LINGO2: variants seen among roughly 807,000 people sequenced by gnomAD.
LINGO2 encodes leucine rich repeat and Ig domain containing 2, also known as leucine-rich repeat and immunoglobulin-like domain-containing nogo receptor-interacting protein 2.
A neutral mutation model predicts 30.6 loss-of-function variants in LINGO2; 14 were observed. The ratio of observed to expected loss-of-function variants is 0.46; its 90% CI spans 0.30 to 0.72. The LOEUF (loss-of-function observed/expected upper bound fraction) is 0.72, where lower values mean the gene tolerates loss of function less well. LINGO2 is among the 30% of genes least tolerant of loss of function. LINGO2 has a pLI of 0.07. For missense variants in LINGO2, 729 were observed against 751.7 expected (o/e 0.97, Z 0.35); for synonymous variants, 317 against 288.5 (o/e 1.10, Z -1.00).
chr9:29,158,357 A>T, the LINGO2 span, among the ~76,000 whole-genome samples: 6,476 of 152,068 alleles, frequency 0.043, 205 homozygotes, highest in Admixed American at 0.08. Flanking sequence ...CCCTGTCTCA[A>T]AAAAATAAAA....
the LINGO2 span, among the ~76,000 whole-genome samples, chr9:28,856,224 C>G: frequency 1.3e-5 from 2 of 152,016 alleles, no homozygotes; most frequent in Non-Finnish European, 1.5e-5. Context: ...AGATTTTGTG[C>G]TTTGCTTCCA....
At chr9:29,132,462 G>A in the LINGO2 span, among the ~76,000 whole-genome samples, 29 of 152,068 alleles carry the variant, frequency 1.9e-4, no homozygotes, top group South Asian at 4.2e-4. Context: ...CTGATTTGTC[G>A]CCTTCCACAA....
chr9:28,796,513 C>T, the LINGO2 span, among the ~76,000 whole-genome samples: 83,281 of 151,588 alleles, frequency 0.55, 23,008 homozygotes, highest in Middle Eastern at 0.67. Flanking sequence ...AATTTTATGA[C>T]GAAAATTAGC....
At chr9:28,957,012 T>C in the LINGO2 span, among the ~76,000 whole-genome samples, 1 of 152,006 alleles carries the variant, frequency 6.6e-6, no homozygotes, top group Non-Finnish European at 1.5e-5. Context: ...GATTCTATGA[T>C]TCTAAGCAGG....
chr9:28,241,195 G>T (rs1425328292), intron 4 of LINGO2, among the ~76,000 whole-genome samples: 1 of 149,120 alleles, frequency 6.7e-6, no homozygotes, highest in Non-Finnish European at 1.5e-5. Flanking sequence ...CTTGAACCCG[G>T]GAGGTGGAAA....
upstream of LINGO2, among the ~76,000 whole-genome samples, chr9:28,672,662 T>C (rs551408472): frequency 2.0e-5 from 3 of 152,282 alleles, no homozygotes; most frequent in East Asian, 5.8e-4. Context: ...GTTTATTGAG[T>C]GTTTTAAAAT....
intron 1 of LINGO2, among the ~76,000 whole-genome samples, chr9:28,564,861 G>A (rs951904354): frequency 2.0e-5 from 3 of 152,004 alleles, no homozygotes; most frequent in Non-Finnish European, 2.9e-5. Flanking sequence ...TAGTGGCTAC[G>A]GTATTGGACA....
At chr9:28,633,924 G>C (rs1170397167) in intron 1 of LINGO2, among the ~76,000 whole-genome samples, 3 of 152,144 alleles carry the variant, frequency 2.0e-5, no homozygotes, top group African/African-American at 4.8e-5. Context: ...ACTCCAAAGA[G>C]AGGACATATT....
chr9:29,034,558 T>C, the LINGO2 span, among the ~76,000 whole-genome samples: 2 of 152,146 alleles, frequency 1.3e-5, no homozygotes, highest in African/African-American at 4.8e-5. Context: ...GAGAGGTACA[T>C]TCCTAATTTT....
At chr9:28,902,653 G>C in the LINGO2 span, among the ~76,000 whole-genome samples, 2 of 152,010 alleles carry the variant, frequency 1.3e-5, no homozygotes, top group African/African-American at 4.8e-5. Flanking sequence ...TAAGTCTTAA[G>C]AAATTTTAAA....
intron 1 of LINGO2, among the ~76,000 whole-genome samples, chr9:28,637,705 C>G (rs1383576715): frequency 6.6e-6 from 1 of 152,130 alleles, no homozygotes; most frequent in Non-Finnish European, 1.5e-5. Flanking sequence ...TGCTTATCAG[C>G]TTAAGGAGAT....
At chr9:28,532,858 A>G (rs1821288201) in intron 1 of LINGO2, among the ~76,000 whole-genome samples, 1 of 152,072 alleles carries the variant, frequency 6.6e-6, no homozygotes, top group African/African-American at 2.4e-5. Context: ...ATACATTTCT[A>G]ATTACGTTTA....
chr9:28,524,390 T>C (rs577914608), intron 1 of LINGO2, among the ~76,000 whole-genome samples: 50 of 152,288 alleles, frequency 3.3e-4, no homozygotes, highest in Admixed American at 6.5e-4. Context: ...AAAGCACACA[T>C]AATAAAAGAG....
intron 1 of LINGO2, among the ~76,000 whole-genome samples, chr9:28,575,797 C>G (rs1392481172): frequency 1.3e-5 from 2 of 151,964 alleles, no homozygotes; most frequent in African/African-American, 2.4e-5. Context: ...TCTTCTGTAC[C>G]ATTTGCATGG....
At chr9:28,241,216 C>G (rs1016088856) in intron 4 of LINGO2, among the ~76,000 whole-genome samples, 3 of 131,626 alleles carry the variant, frequency 2.3e-5, no homozygotes, top group African/African-American at 8.7e-5. Context: ...CTGCAGTGAG[C>G]TGAGATCGTG....
intron 3 of LINGO2, among the ~76,000 whole-genome samples, chr9:28,347,905 G>C (rs536603014): frequency 2.0e-5 from 3 of 152,090 alleles, no homozygotes; most frequent in African/African-American, 7.2e-5. Flanking sequence ...CTACTATGTT[G>C]TTACTGCCTC....
At chr9:29,105,721 TAGAA>T in the LINGO2 span, among the ~76,000 whole-genome samples, 1 of 152,148 alleles carries the variant, frequency 6.6e-6, no homozygotes, top group Non-Finnish European at 1.5e-5. Context: ...GGTGAAATAT[TAGAA>T]AGACTTTCTC....
the LINGO2 span, among the ~76,000 whole-genome samples, chr9:28,707,301 A>G: frequency 0.39 from 59,469 of 151,874 alleles, 13,030 homozygotes; most frequent in African/African-American, 0.58. Flanking sequence ...CACAGCATGT[A>G]GGATGCAAAG....
chr9:28,041,619 TCAA>T (rs1397788405), intron 4 of LINGO2, among the ~76,000 whole-genome samples: 2 of 152,074 alleles, frequency 1.3e-5, no homozygotes, highest in Non-Finnish European at 2.9e-5. Flanking sequence ...GTAAAATCCA[TCAA>T]CAAGAAAAAG....
Sources: gnomAD v4.1 joint callset for allele counts (sites outside exome capture counted in the v4.1 genomes callset) on GRCh38, gnomAD v4.1.1 for gene constraint, MANE v1.5 for transcripts, NCBI Gene and HGNC (gene_info 2026-07-23, HGNC 2026-07-21) for gene names.